The following PCDHGA5 variants were observed in gnomAD, a reference collection of about 807,000 sequenced individuals.
PCDHGA5 encodes the protein protocadherin gamma-A5.
A neutral mutation model predicts 56.7 loss-of-function variants in PCDHGA5; 36 were observed. The observed-to-expected ratio is 0.64, with a 90% confidence interval of 0.49 to 0.84. PCDHGA5 has a LOEUF of 0.84. Ranked by LOEUF, PCDHGA5 falls within the 40% of genes least tolerant of loss-of-function variation. The pLI is 0.00. For missense variants in PCDHGA5, 1,305 were observed against 1,201.5 expected (o/e 1.09, Z -1.27); for synonymous variants, 563 against 520.2 (o/e 1.08, Z -1.12).
chr5:141,384,752 C>A, intron 1 of PCDHGA5: 1 of 1,614,024 alleles, frequency 6.2e-7, no homozygotes, highest in East Asian at 2.2e-5. Flanking sequence ...GGACTCTTTG[C>A]GGTTGGGCTG....
At position 141,476,124 on chromosome 5, in the gene PCDHGA5, C is replaced by T. The variant is rs1187643558; in HGVS notation, c.2422-18683C>T. 4 of 1,603,236 alleles carry T rather than the reference C, an allele frequency of 2.5e-6. No homozygotes were observed. Among genetic ancestry groups the T allele is most frequent in the Non-Finnish European group, 3.4e-6 (4 of 1,176,388 alleles). ...GAACTGCTTTTGAGTGAGATGGTCCCAGAGGCCTGGAGGAGCGGACTGGTA... is the reference window on the plus strand; with the variant it reads ...GAACTGCTTTTGAGTGAGATGGTCCTAGAGGCCTGGAGGAGCGGACTGGTA... On this transcript the variant is annotated intron_variant, in intron 1 of 3. Transcript: ENST00000518069. This position sits in a 1 kb window ranked among gnomAD's most constrained non-coding sequence, Gnocchi z 7.6.
At position 141,414,686 on chromosome 5, in the gene PCDHGA5, C is replaced by A. The variant is rs201724090; in HGVS notation, c.2421+47935C>A. On this transcript the variant is annotated intron_variant, in intron 1 of 3. Coordinates refer to ENST00000518069, the MANE Select transcript of PCDHGA5 (RefSeq NM_018918.3). ...GCTGAAGACACCATCCAGGGGGTAC[C>A]TCTGTCCTCATACATATCCATCAAC... 57 of 1,613,924 alleles carry A rather than the reference C, an allele frequency of 3.5e-5. No homozygotes were observed. The highest frequency in any genetic ancestry group is 1.6e-4 in the Middle Eastern group (1 of 6,084).
At position 141,511,575 on chromosome 5, in the gene PCDHGA5, T is replaced by C. The variant is rs930675653; in HGVS notation, c.*402T>C. On this transcript the variant is annotated 3_prime_UTR_variant, in exon 4 of 4. Transcript: ENST00000518069. ...AGTTCCTCTTTCCCGAGTAAGGTGG[T>C]TGGGGTGTTGAAGTACCAAGTAACC... 28 of 287,258 alleles carry C rather than the reference T, an allele frequency of 9.7e-5. No individual in the cohort carries two copies. Among genetic ancestry groups the C allele is most frequent in the Middle Eastern group, 1.3e-3 (1 of 784 alleles). The allele number at this position is 287,258 out of a possible 1,614,324, so 17.8% of individuals were successfully genotyped here.
At chr5:141,469,671 A>T (rs1285283342) in intron 1 of PCDHGA5, among the ~76,000 whole-genome samples, 3 of 152,236 alleles carry the variant, frequency 2.0e-5, no homozygotes, top group Admixed American at 1.3e-4. Flanking sequence ...TTCTAATAAA[A>T]CTACATATGC....
intron 1 of PCDHGA5, chr5:141,400,296 C>T (rs2093998279): frequency 6.2e-7 from 1 of 1,614,076 alleles, no homozygotes. Context: ...GGAGCTGCTT[C>T]CAACCTGGTC....
chr5:141,509,900 C>T (rs2099878860), intron 3 of PCDHGA5, among the ~76,000 whole-genome samples: 1 of 152,186 alleles, frequency 6.6e-6, no homozygotes, highest in Admixed American at 6.5e-5. Context: ...CTGTCCCTTC[C>T]AGCATGCGCT....
chr5:141,489,166 C>A lies in PCDHGA5; in HGVS notation c.2422-5641C>A. The A allele has an allele frequency of 9.1e-7, 1 of 1,099,536 alleles. No individual in the cohort carries two copies. The highest frequency in any genetic ancestry group is 1.3e-6 in the Non-Finnish European group (1 of 761,554). The allele number at this position is 1,099,536 out of a possible 1,614,324, so 68.1% of individuals were successfully genotyped here. ...AAGGAGACATAAGAGACTTCAGCTGCTGCATTCCAAGCCCTGGGTCTACCT... is the reference window on the plus strand; with the variant it reads ...AAGGAGACATAAGAGACTTCAGCTGATGCATTCCAAGCCCTGGGTCTACCT... On this transcript the variant is annotated intron_variant, in intron 1 of 3. Transcript: ENST00000518069. This position sits in a 1 kb window ranked among gnomAD's most constrained non-coding sequence, Gnocchi z 4.5.
At chr5:141,390,327 T>G (rs377735930) in intron 1 of PCDHGA5, 172 of 1,603,116 alleles carry the variant, frequency 1.1e-4, no homozygotes, top group Non-Finnish European at 2.0e-5. Flanking sequence ...CCTACCCATT[T>G]CTCCATATTC....
intron 1 of PCDHGA5, chr5:141,375,637 C>G (rs1331644453): frequency 1.2e-6 from 2 of 1,614,238 alleles, no homozygotes; most frequent in South Asian, 2.2e-5. Context: ...ACGCCCTGCG[C>G]TCCTTCGACT....
chr5:141,504,550 G>A (rs944574179), intron 2 of PCDHGA5, among the ~76,000 whole-genome samples: 2 of 151,586 alleles, frequency 1.3e-5, no homozygotes, highest in Non-Finnish European at 2.9e-5. Context: ...GCAAATGTTG[G>A]GGGACTGGCA....
intron 1 of PCDHGA5, chr5:141,422,368 G>A: frequency 1.9e-6 from 3 of 1,565,294 alleles, no homozygotes; most frequent in Non-Finnish European, 2.6e-6. Context: ...TGGAGAAAAT[G>A]GTCAAGTCTC....
At position 141,364,676 on chromosome 5, in the gene PCDHGA5, AT is replaced by A; in HGVS notation, c.349del (p.Tyr117MetfsTer3). ...CATCTTGGTTGAGAACAAAATGAAA[AT>A]TTATGGAGTAGAAGTAGAAATAATC... ...FNILVENKMK[I>X]YGVEVEIIDI... On this transcript the variant is annotated frameshift_variant, in exon 1 of 4. Coordinates refer to ENST00000518069, the MANE Select transcript of PCDHGA5 (RefSeq NM_018918.3). LOFTEE classifies it high-confidence loss of function. The A allele has an allele frequency of 1.2e-6, 2 of 1,614,002 alleles. No homozygotes were observed. The highest frequency in any genetic ancestry group is 2.2e-5 in the South Asian group (2 of 91,092).
chr5:141,403,136 C>T, intron 1 of PCDHGA5: 1 of 1,614,006 alleles, frequency 6.2e-7, no homozygotes, highest in South Asian at 1.1e-5. Flanking sequence ...GCTGGCGGAG[C>T]GCCGAGTCCG....
Position 141,409,997 on chromosome 5 carries a change from G to A in PCDHGA5, c.2421+43246G>A. 1.9e-6 allele frequency: 3 copies of A among 1,613,224 alleles called. No homozygotes were observed. The African/African-American group carries it at 4.0e-5, about 22-fold the overall frequency. ...GGTGGTAGCGGTGGACGCCGACTCG[G>A]GACACAACGCCTGGCTGTCCTACCA... On this transcript the variant is annotated intron_variant, in intron 1 of 3. Coordinates refer to ENST00000518069, the MANE Select transcript of PCDHGA5 (RefSeq NM_018918.3).
intron 1 of PCDHGA5, chr5:141,414,845 T>C: frequency 1.2e-6 from 2 of 1,614,218 alleles, no homozygotes; most frequent in South Asian, 1.1e-5. Flanking sequence ...CTGTTTGTGC[T>C]GGACCAGAAC....
intron 1 of PCDHGA5, among the ~76,000 whole-genome samples, chr5:141,460,963 G>A (rs760674165): frequency 3.0e-4 from 27 of 89,804 alleles, no homozygotes; most frequent in Admixed American, 4.3e-4. Context: ...ATATATATAT[G>A]TGTGTGTGTG....
chr5:141,409,438 A>G (rs1459982502), intron 1 of PCDHGA5: 2 of 1,613,984 alleles, frequency 1.2e-6, no homozygotes, highest in Non-Finnish European at 1.7e-6. Flanking sequence ...CCCTGGACCG[A>G]GAGCAGACAC....
intron 1 of PCDHGA5, chr5:141,404,062 T>G: frequency 6.2e-7 from 1 of 1,613,906 alleles, no homozygotes; most frequent in African/African-American, 1.3e-5. Flanking sequence ...TTCTTTTCAA[T>G]GCTCATGACC....
At chr5:141,409,462 C>A (rs377705841) in intron 1 of PCDHGA5, 64 of 1,613,870 alleles carry the variant, frequency 4.0e-5, no homozygotes, top group Non-Finnish European at 5.3e-5. Flanking sequence ...AATACAATGT[C>A]ACCATCGTAG....
Sources: allele counts gnomAD v4.1 joint callset (sites outside exome capture counted in the v4.1 genomes callset), GRCh38; gene constraint gnomAD v4.1.1; non-coding constraint Gnocchi (gnomAD v3.1); transcripts MANE v1.5; gene names NCBI Gene and HGNC (gene_info 2026-07-23, HGNC 2026-07-21).